Variants in SLC1A3 observed in about 807,000 individuals in gnomAD.
SLC1A3 encodes the protein excitatory amino acid transporter 1.
In SLC1A3, 21 loss-of-function variants were observed where a neutral mutation model predicts 48.1. That is an observed-to-expected ratio of 0.44 (90% CI 0.31 to 0.63). The LOEUF (loss-of-function observed/expected upper bound fraction) is 0.63. Among genes scored for constraint, SLC1A3 ranks in the 20% least tolerant of loss-of-function variants. The probability of loss-of-function intolerance (pLI) is 0.08; values close to 1 mark genes in which losing one functional copy is unlikely to be tolerated. For missense variants in SLC1A3, 546 were observed against 689.0 expected, an observed-to-expected ratio of 0.79 and a Z score of 2.32; for synonymous variants, 239 against 251.4, an observed-to-expected ratio of 0.95 and a Z score of 0.47.
chr5:36,622,101 T>C (rs961071499), intron 2 of SLC1A3, among the ~76,000 whole-genome samples: 2 of 152,206 alleles, frequency 1.3e-5, no homozygotes, highest in Non-Finnish European at 2.9e-5. Flanking sequence ...CTGGTCCCCT[T>C]TCTGGCTAGA....
intron 1 of SLC1A3, among the ~76,000 whole-genome samples, chr5:36,597,811 T>C (rs1738762787): frequency 6.6e-6 from 1 of 152,168 alleles, no homozygotes; most frequent in African/African-American, 2.4e-5. Flanking sequence ...TCCTCATCTT[T>C]AGAGTTCTTT....
intron 3 of SLC1A3, among the ~76,000 whole-genome samples, chr5:36,659,406 G>A (rs1741415169): frequency 6.6e-6 from 1 of 152,180 alleles, no homozygotes; most frequent in Non-Finnish European, 1.5e-5. Context: ...GAGCCCTTCA[G>A]AGCTAAAAAT....
At chr5:36,628,170 C>T (rs1739986485) in intron 2 of SLC1A3, among the ~76,000 whole-genome samples, 1 of 152,104 alleles carries the variant, frequency 6.6e-6, no homozygotes. Context: ...AGAGCTGGGT[C>T]AGCTGGATTT....
intron 2 of SLC1A3, among the ~76,000 whole-genome samples, chr5:36,615,558 T>C (rs1369390953): frequency 6.6e-6 from 1 of 152,172 alleles, no homozygotes; most frequent in African/African-American, 2.4e-5. Context: ...TCCTAGCCAG[T>C]GTTTGAGAAC....
intron 4 of SLC1A3, 49 bp downstream of exon 4, chr5:36,671,282 C>T (rs751106856): frequency 1.1e-5 from 15 of 1,330,938 alleles, no homozygotes; most frequent in Non-Finnish European, 6.4e-6. Context: ...GCCATCCAGA[C>T]CCTCTTACTG....
intron 1 of SLC1A3, among the ~76,000 whole-genome samples, chr5:36,596,778 GCTT>G (rs1308362704): frequency 1.3e-5 from 2 of 152,164 alleles, no homozygotes; most frequent in African/African-American, 4.8e-5. Context: ...GGTGAAAGGT[GCTT>G]CTTCTAGTCT....
At position 36,687,642 on chromosome 5, in the gene SLC1A3, G is replaced by A. The variant is rs1742707843; in HGVS notation, c.*1373G>A. On this transcript the variant is annotated 3_prime_UTR_variant, in exon 10 of 10. Coordinates refer to ENST00000265113, the MANE Select transcript of SLC1A3 (RefSeq NM_004172.5). ...GGGAAACAAAATATTTATTTGTTTT[G>A]GAATCCCACTTATCAAATCATTCAA... The A allele has an allele frequency of 6.6e-6, 1 of 152,212 alleles. No individual in the cohort carries two copies. The highest frequency in any genetic ancestry group is 2.1e-4 in the South Asian group (1 of 4,828). 9.4% of individuals were successfully genotyped at this position (152,212 alleles called of 1,614,324 possible).
chr5:36,634,987 G>C (rs1199333670), intron 3 of SLC1A3, among the ~76,000 whole-genome samples: 1 of 152,100 alleles, frequency 6.6e-6, no homozygotes, highest in Non-Finnish European at 1.5e-5. Context: ...GCATCTGAAG[G>C]GTTTGTCAAG....
intron 3 of SLC1A3, among the ~76,000 whole-genome samples, chr5:36,657,942 T>C (rs534535361): frequency 1.6e-4 from 24 of 152,324 alleles, no homozygotes; most frequent in Admixed American, 6.5e-4. Context: ...CAGGAGAGGC[T>C]TTGACAAAGC....
intron 2 of SLC1A3, among the ~76,000 whole-genome samples, chr5:36,615,463 C>T (rs1220747868): frequency 6.6e-6 from 1 of 152,176 alleles, no homozygotes; most frequent in Admixed American, 6.6e-5. Context: ...CCCATTCTGG[C>T]TGGTCTCTCC....
Position 36,609,036 on chromosome 5 carries a change from C to T in SLC1A3, c.181+432C>T, listed in dbSNP as rs941860913. 2.1e-5 allele frequency: 21 copies of T among 994,796 alleles called. No individual in the cohort carries two copies. The Admixed American group carries it at 5.7e-4, about 27-fold the overall frequency. The allele number at this position is 994,796 out of a possible 1,614,324, so 61.6% of individuals were successfully genotyped here. The stretch of plus-strand genomic sequence containing the variant: ...GTTCCAAATAGTAATTATATTCTAA[C>T]TGGTGCTGACTTGAAGCTGAGTATC... On this transcript the variant is annotated intron_variant, in intron 2 of 9. Coordinates refer to ENST00000265113, the MANE Select transcript of SLC1A3 (RefSeq NM_004172.5).
Position 36,677,006 on chromosome 5 carries a change from A to G in SLC1A3, c.682A>G (p.Thr228Ala). 2 of 1,614,132 alleles carry G rather than the reference A, an allele frequency of 1.2e-6. No individual in the cohort carries two copies. The highest frequency in any genetic ancestry group is 1.7e-6 in the Non-Finnish European group (2 of 1,179,988). ...GGCCATGGAGACTCTTACCCGAATC[A>G]CAGAGGAGCTGGTCCCAGTTCCAGG... ...SEAMETLTRI[T>A]EELVPVPGSV... The change falls in exon 6 of 10, where the codon ACA becomes GCA. Residue 228 changes from threonine to alanine, a missense_variant. By Grantham distance (58) the Thr-to-Ala change is moderately conservative. Around this residue, in one of 3 missense-constraint regions of SLC1A3, gnomAD observed 348 missense variants for 392.0 expected, o/e 0.89. Transcript: ENST00000265113.
intron 2 of SLC1A3, among the ~76,000 whole-genome samples, chr5:36,612,085 G>GCACACA (rs144428325): frequency 3.4e-5 from 5 of 147,864 alleles, no homozygotes; most frequent in East Asian, 2.0e-4. Flanking sequence ...ACACACACAC[G>GCACACA]CACACACACA....
chr5:36,676,788 AG>A, intron 5 of SLC1A3, 103 bp from the exon 6 acceptor site: 1 of 856,006 alleles, frequency 1.2e-6, no homozygotes, highest in East Asian at 2.7e-5. Context: ...CTGAATACAA[AG>A]TAACAGAGTA....
At chr5:36,640,450 T>A (rs539489527) in intron 3 of SLC1A3, among the ~76,000 whole-genome samples, 1 of 152,232 alleles carries the variant, frequency 6.6e-6, no homozygotes, top group African/African-American at 2.4e-5. Context: ...GACTGCCTCA[T>A]ATGGGGATAT....
At chr5:36,612,867 T>C (rs1698433201) in intron 2 of SLC1A3, 1 of 455,768 alleles carries the variant, frequency 2.2e-6, no homozygotes, top group Admixed American at 2.4e-5. Context: ...TAACACCCAT[T>C]CTGGCTTTAC....
At chr5:36,618,360 A>C (rs1739531127) in intron 2 of SLC1A3, among the ~76,000 whole-genome samples, 1 of 152,208 alleles carries the variant, frequency 6.6e-6, no homozygotes. Context: ...GAAGTTTAGA[A>C]AGTGAAACAT....
upstream of SLC1A3, among the ~76,000 whole-genome samples, chr5:36,604,602 T>C (rs1400993148): frequency 6.6e-6 from 1 of 152,148 alleles, no homozygotes; most frequent in East Asian, 1.9e-4. Context: ...GGTGAATTAC[T>C]TCCCTTCTCA....
chr5:36,612,085 GCA>G lies in SLC1A3; in HGVS notation c.181+3496_181+3497del, dbSNP rs144428325. On this transcript the variant is annotated intron_variant, in intron 2 of 9. Coordinates refer to ENST00000265113, the MANE Select transcript of SLC1A3 (RefSeq NM_004172.5). ...GGCGCACGCGCACACACACACACAC[GCA>G]CACACACACACACAGAGTTTGCATT... Among the ~76,000 whole-genome samples, 450 of 147,898 alleles carry G rather than the reference GCA, an allele frequency of 3.0e-3. 3 individuals carry two copies. Among genetic ancestry groups the G allele is most frequent in the Admixed American group, 0.011 (166 of 14,836 alleles).
Sources: allele counts gnomAD v4.1 joint callset (sites outside exome capture counted in the v4.1 genomes callset), GRCh38; gene constraint gnomAD v4.1.1; regional missense constraint gnomAD v4.1.1; transcripts MANE v1.5; gene names NCBI Gene and HGNC (gene_info 2026-07-23, HGNC 2026-07-21).